ITGB5: variants seen among roughly 807,000 people sequenced by gnomAD.
ITGB5 encodes integrin beta-5.
In ITGB5, 38 loss-of-function variants were observed where a neutral mutation model predicts 84.8. The ratio of observed to expected loss-of-function variants is 0.45; its 90% CI spans 0.35 to 0.59. The LOEUF (loss-of-function observed/expected upper bound fraction) is 0.59. ITGB5 is among the 20% of genes least tolerant of loss of function. The pLI, the probability that ITGB5 is intolerant of heterozygous loss-of-function variation, is 0.01. For synonymous variants in ITGB5, 393 were observed against 414.4 expected (o/e 0.95, Z 0.63); for missense variants, 905 against 1,034.5 (o/e 0.87, Z 1.72).
chr3:124,863,244 G>A (rs2065331297), intron 2 of ITGB5: 2 of 152,224 alleles, frequency 1.3e-5, no homozygotes, highest in Admixed American at 6.5e-5. Flanking sequence ...GGGCAAGGCA[G>A]GTCTGAAGAA....
intron 10 of ITGB5, chr3:124,781,006 C>T (rs2063997131): frequency 6.6e-6 from 1 of 152,438 alleles, no homozygotes; most frequent in Admixed American, 6.5e-5. Context: ...GAAGCCAAGT[C>T]AGCAGCTGTG....
At chr3:124,890,558 T>C (rs1934980680), upstream of ITGB5, among the ~76,000 whole-genome samples, 1 of 152,162 alleles carries the variant, frequency 6.6e-6, no homozygotes, top group South Asian at 2.1e-4. Context: ...GTCACCTTCC[T>C]TCTTCCAACT....
chr3:124,877,364 T>G (rs1934373306), intron 1 of ITGB5, among the ~76,000 whole-genome samples: 1 of 152,104 alleles, frequency 6.6e-6, no homozygotes, highest in South Asian at 2.1e-4. Flanking sequence ...AGTCCCATTT[T>G]TTGGTCAAAT....
intron 2 of ITGB5, among the ~76,000 whole-genome samples, chr3:124,871,307 G>C (rs767325879): frequency 6.6e-6 from 1 of 151,938 alleles, no homozygotes; most frequent in Non-Finnish European, 1.5e-5. Context: ...CAATTCTCCT[G>C]CCTCAGCCTC....
intron 11 of ITGB5, among the ~76,000 whole-genome samples, chr3:124,772,671 T>C (rs906225567): frequency 1.3e-5 from 2 of 149,772 alleles, no homozygotes; most frequent in African/African-American, 4.9e-5. Flanking sequence ...ATTCTGTAAT[T>C]CCCTCTCATT....
chr3:124,843,043 T>C (rs1579283177), intron 4 of ITGB5, among the ~76,000 whole-genome samples: 2 of 152,188 alleles, frequency 1.3e-5, no homozygotes, highest in East Asian at 3.9e-4. Flanking sequence ...CTGGCTTTCC[T>C]TTGTGTTTCT....
At chr3:124,765,682 G>A (rs1234952270) in intron 13 of ITGB5, among the ~76,000 whole-genome samples, 1 of 151,342 alleles carries the variant, frequency 6.6e-6, no homozygotes, top group African/African-American at 2.4e-5. Context: ...CTTGCCCCAA[G>A]AATGGGCCCC....
chr3:124,831,395 G>A (rs551538976), intron 5 of ITGB5, among the ~76,000 whole-genome samples: 4 of 152,072 alleles, frequency 2.6e-5, no homozygotes, highest in Admixed American at 2.6e-4. Flanking sequence ...GTTAAGCCTG[G>A]GGATCCCCAG....
chr3:124,889,638 T>C (rs2107658586), upstream of ITGB5, among the ~76,000 whole-genome samples: 1 of 152,364 alleles, frequency 6.6e-6, no homozygotes, highest in Non-Finnish European at 1.5e-5. Context: ...TTACAGGAGC[T>C]GTCCTGGGTT....
intron 5 of ITGB5, among the ~76,000 whole-genome samples, chr3:124,823,108 A>T (rs539703460): frequency 2.6e-5 from 4 of 152,140 alleles, no homozygotes; most frequent in East Asian, 3.9e-4. Flanking sequence ...AAAAAATATT[A>T]AAAAATTAGC....
intron 1 of ITGB5, among the ~76,000 whole-genome samples, chr3:124,877,023 T>A (rs559404405): frequency 1.3e-5 from 2 of 151,930 alleles, no homozygotes; most frequent in Admixed American, 1.3e-4. Context: ...CAGGCTAGAG[T>A]GCAGTAGTGT....
rs2063737090 is a variant in ITGB5, at chr3:124,764,392, A to G, written c.2303T>C (p.Met768Thr). ...QSERSRARYE[M>T]ASNPLYRKPI... is the part of the protein sequence containing the mutation. ...GCTTCCCATTTCCCACGTGCTTACCATTTCATAGCGGGCCCTGGATCGCTC... is the reference window on the plus strand; with the variant it reads ...GCTTCCCATTTCCCACGTGCTTACCGTTTCATAGCGGGCCCTGGATCGCTC... The change falls in exon 14 of 15, where the codon ATG (methionine) becomes ACG (threonine). Residue 768 changes from methionine to threonine, a missense_variant and splice_region_variant. Coordinates refer to ENST00000296181, the MANE Select transcript of ITGB5 (RefSeq NM_002213.5). 2.5e-6 allele frequency: 4 copies of G among 1,602,590 alleles called. No homozygotes were observed. The East Asian group carries it at 9.0e-5, about 36-fold the overall frequency.
intron 11 of ITGB5, among the ~76,000 whole-genome samples, chr3:124,773,436 C>T (rs868479917): frequency 1.1e-4 from 17 of 152,222 alleles, no homozygotes; most frequent in Admixed American, 2.6e-4. Context: ...GATTTCTAAA[C>T]GTGTTTAGGA....
intron 1 of ITGB5, among the ~76,000 whole-genome samples, chr3:124,874,860 A>C (rs1422423520): frequency 6.6e-6 from 1 of 152,244 alleles, no homozygotes; most frequent in Admixed American, 6.5e-5. Flanking sequence ...TCAACTCAAT[A>C]TGGTTTAAAA....
At chr3:124,883,050 T>TCTCCAAGGCCC (rs1934649360) in intron 1 of ITGB5, among the ~76,000 whole-genome samples, 1 of 152,100 alleles carries the variant, frequency 6.6e-6, no homozygotes, top group Non-Finnish European at 1.5e-5. Context: ...GGCAGTCAGT[T>TCTCCAAGGCCC]CTCCAAGGCC....
At chr3:124,870,500 G>A (rs1207363396) in intron 2 of ITGB5, among the ~76,000 whole-genome samples, 1 of 152,144 alleles carries the variant, frequency 6.6e-6, no homozygotes, top group Non-Finnish European at 1.5e-5. Context: ...AGGCCAAGGT[G>A]GGTGGATCAC....
upstream of ITGB5, among the ~76,000 whole-genome samples, chr3:124,889,294 T>G (rs1350729670): frequency 6.6e-6 from 1 of 152,244 alleles, no homozygotes; most frequent in Non-Finnish European, 1.5e-5. Flanking sequence ...AGTGGAAGGC[T>G]GATCAAGGAC....
intron 1 of ITGB5, chr3:124,894,580 TC>T (rs1935065968): frequency 1.3e-5 from 2 of 152,220 alleles, no homozygotes; most frequent in African/African-American, 4.8e-5. Context: ...ATGCCCTCTT[TC>T]CGCTGGAGCA....
At chr3:124,888,884 A>G (rs1222669659), upstream of ITGB5, among the ~76,000 whole-genome samples, 1 of 152,218 alleles carries the variant, frequency 6.6e-6, no homozygotes, top group African/African-American at 2.4e-5. Context: ...CCCAAACTCT[A>G]ACAAGGTGGT....
Sources: allele counts gnomAD v4.1 joint callset (sites outside exome capture counted in the v4.1 genomes callset), GRCh38; gene constraint gnomAD v4.1.1; transcripts MANE v1.5; gene names NCBI Gene and HGNC (gene_info 2026-07-23, HGNC 2026-07-21).